UGT2B17: variants seen among roughly 807,000 people sequenced by gnomAD.
UGT2B17 encodes UDP glucuronosyltransferase family 2 member B17.
A neutral mutation model predicts 48.2 loss-of-function variants in UGT2B17; 21 were observed. That is an observed-to-expected ratio of 0.44 (90% confidence interval 0.31 to 0.63). The LOEUF is 0.63. Ranked by LOEUF, UGT2B17 falls within the 20% of genes least tolerant of loss-of-function variation. The pLI is 0.08. For missense variants in UGT2B17, 402 were observed against 696.1 expected (o/e 0.58, Z 4.75); for synonymous variants, 146 against 238.4 (o/e 0.61, Z 3.57).
rs1321442614 is a variant in UGT2B17 at position 68,573,802 on chromosome 4, A to C, written c.-65+2149T>G. Among the ~76,000 whole-genome samples the C allele has an allele frequency of 1.6e-5, 2 of 127,068 alleles. 1 individual carries two copies. Among genetic ancestry groups the C allele is most frequent in the African/African-American group, 5.4e-5 (2 of 37,070 alleles). 83.4% of individuals were successfully genotyped at this position (127,068 alleles called of 152,430 possible). A position where few individuals can be genotyped will look rare whatever the true frequency, so the allele number is the denominator to read the frequency against. On this transcript the variant is annotated intron_variant, in intron 1 of 6. Transcript: ENST00000317746. ...TCTTGAAAATTCTTAAGCTCACTGC[A>C]TCCTTTTAGGTCTCCAAGGAATGCT...
rs1326132465 is a variant in UGT2B17, at chr4:68,545,394, A to G, written c.1313+5283T>C. 4.0e-5 allele frequency among the ~76,000 whole-genome samples: 5 copies of G among 125,946 alleles called. 1 individual carries two copies. Among genetic ancestry groups the G allele is most frequent in the African/African-American group, 1.4e-4 (5 of 36,754 alleles). 82.6% of individuals were successfully genotyped at this position (125,946 alleles called of 152,430 possible). A position where few individuals can be genotyped will look rare whatever the true frequency, so the allele number is the denominator to read the frequency against. ...AAACCAACGAGAACAAAGACACAAC[A>G]TACCAGAATCTCTGGGACGCATTCA... On this transcript the variant is annotated intron_variant, in intron 6 of 6. Coordinates refer to ENST00000317746, the MANE Select transcript of UGT2B17 (RefSeq NM_001077.4).
chr4:68,557,071 A>G (rs774090261), intron 4 of UGT2B17, among the ~76,000 whole-genome samples: 1 of 125,508 alleles, frequency 8.0e-6, no homozygotes, highest in Non-Finnish European at 1.7e-5. Flanking sequence ...AGCTGTATTT[A>G]TATAAATATG....
chr4:68,543,659 G>A lies in UGT2B17; in HGVS notation c.1314-5755C>T, dbSNP rs1253557814. Reference sequence around the variant, plus strand: ...CGGACTAAAGGAGGAAGTTCGAACCGAAGGCAAAGAAGGTAAAAACCTTGA... The same window carrying A: ...CGGACTAAAGGAGGAAGTTCGAACCAAAGGCAAAGAAGGTAAAAACCTTGA... On this transcript the variant is annotated intron_variant, in intron 6 of 6. Transcript: ENST00000317746. 5.7e-5 allele frequency among the ~76,000 whole-genome samples: 7 copies of A among 123,642 alleles called. 1 individual carries two copies. Among genetic ancestry groups the A allele is most frequent in the African/African-American group, 8.3e-5 (3 of 36,192 alleles). 81.1% of individuals were successfully genotyped at this position (123,642 alleles called of 152,430 possible). A position where few individuals can be genotyped will look rare whatever the true frequency, so the allele number is the denominator to read the frequency against.
At position 68,556,069 on chromosome 4, in the gene UGT2B17, A is replaced by G. The variant is rs1469342265; in HGVS notation, c.1006-4158T>C. Among the ~76,000 whole-genome samples the G allele has an allele frequency of 2.4e-5, 3 of 122,842 alleles. No homozygotes were observed. The Admixed American group carries it at 2.5e-4, about 10-fold the overall frequency. 80.6% of individuals were successfully genotyped at this position (122,842 alleles called of 152,430 possible). ...AGGACAAACCAGAAAGTCCAAACAT[A>G]TCATGAATGATCTGTGTAAGTCACA... On this transcript the variant is annotated intron_variant, in intron 4 of 6. Transcript: ENST00000317746.
rs551839309 is a variant in UGT2B17 at position 68,551,960 on chromosome 4, T to C, written c.1006-49A>G. ...TGTTCAATGAATAGAACTCTAAAAA[T>C]ATAACTTGTTAGAATTCTGAAGAGA... On this transcript the variant is annotated intron_variant, in intron 4 of 6. Coordinates refer to ENST00000317746, the MANE Select transcript of UGT2B17 (RefSeq NM_001077.4). The C allele has an allele frequency of 1.8e-5, 21 of 1,163,250 alleles. 6 individuals are homozygous for C. Among genetic ancestry groups the C allele is most frequent in the South Asian group, 1.8e-4 (8 of 45,104 alleles). The allele number at this position is 1,163,250 out of a possible 1,614,324, so 72.1% of individuals were successfully genotyped here. A position where few individuals can be genotyped will look rare whatever the true frequency, so the allele number is the denominator to read the frequency against.
At position 68,571,810 on chromosome 4, in the gene UGT2B17, T is replaced by G. The variant is rs183808148; in HGVS notation, c.-64-3262A>C. On this transcript the variant is annotated intron_variant, in intron 1 of 6. Transcript: ENST00000317746. ...CTAATTGCAAAAAGAAATTTTTAGT[T>G]TTTCCTGGAATCTCAGGTACTGGCA... Among the ~76,000 whole-genome samples, 42 of 126,124 alleles carry G rather than the reference T, an allele frequency of 3.3e-4. 13 individuals carry two copies. The highest frequency in any genetic ancestry group is 9.0e-4 in the African/African-American group (33 of 36,828). 82.7% of individuals were successfully genotyped at this position (126,124 alleles called of 152,430 possible).
In UGT2B17 at chr4:68,571,680, C is replaced by T. The variant is rs1008814888; in HGVS notation, c.-64-3132G>A. 2.4e-5 allele frequency among the ~76,000 whole-genome samples: 3 copies of T among 126,242 alleles called. 1 individual carries two copies. The highest frequency in any genetic ancestry group is 8.2e-5 in the African/African-American group (3 of 36,748). 82.8% of individuals were successfully genotyped at this position (126,242 alleles called of 152,430 possible). On this transcript the variant is annotated intron_variant, in intron 1 of 6. Coordinates refer to ENST00000317746, the MANE Select transcript of UGT2B17 (RefSeq NM_001077.4). ...GCTGGGAATTCATCAGGAAATGGGTCTGTAGGAACTAATTCTTGGGCTTCC... is the reference window on the plus strand; with the variant it reads ...GCTGGGAATTCATCAGGAAATGGGTTTGTAGGAACTAATTCTTGGGCTTCC...
chr4:68,554,745 CTGAA>C (rs1730972648), intron 4 of UGT2B17, among the ~76,000 whole-genome samples: 1 of 125,342 alleles, frequency 8.0e-6, no homozygotes, highest in Non-Finnish European at 1.7e-5. Context: ...TGATTTTCAC[CTGAA>C]TGGTTTCTTT....
intron 6 of UGT2B17, among the ~76,000 whole-genome samples, chr4:68,549,356 A>C (rs1366902658): frequency 8.1e-6 from 1 of 123,960 alleles, no homozygotes; most frequent in Admixed American, 8.3e-5. Context: ...TAAAAAAAAA[A>C]AAAAATCTAT....
intron 4 of UGT2B17, among the ~76,000 whole-genome samples, chr4:68,557,036 C>T (rs1216001062): frequency 8.0e-6 from 1 of 125,190 alleles, no homozygotes; most frequent in African/African-American, 2.7e-5. Context: ...CATTGTCAAA[C>T]ATGAAATGGT....
At position 68,551,291 on chromosome 4, in the gene UGT2B17, A is replaced by G. The variant is rs1442735754; in HGVS notation, c.1094-395T>C. The stretch of plus-strand genomic sequence containing the variant: ...ATTTATATATTTAAAAAATATTTAA[A>G]TAGTTAAAATATTTAAAATACTTAA... On this transcript the variant is annotated intron_variant, in intron 5 of 6. Transcript: ENST00000317746. 3.2e-5 allele frequency among the ~76,000 whole-genome samples: 4 copies of G among 126,380 alleles called. 2 individuals are homozygous for G. The highest frequency in any genetic ancestry group is 5.4e-5 in the African/African-American group (2 of 37,226). 82.9% of individuals were successfully genotyped at this position (126,380 alleles called of 152,430 possible).
intron 1 of UGT2B17, among the ~76,000 whole-genome samples, chr4:68,570,376 G>T (rs1440630866): frequency 1.6e-5 from 2 of 126,884 alleles, no homozygotes; most frequent in Admixed American, 1.6e-4. Flanking sequence ...AATAACATCG[G>T]TTTCTAAGTT....
intron 4 of UGT2B17, among the ~76,000 whole-genome samples, chr4:68,552,904 A>C (rs1182909395): frequency 1.6e-5 from 2 of 123,540 alleles, no homozygotes; most frequent in Non-Finnish European, 3.4e-5. Flanking sequence ...TGTTTCCATG[A>C]CAATGGAAGG....
rs1731334196 is a variant in UGT2B17 at position 68,574,159 on chromosome 4, A to G, written c.-65+1792T>C. On this transcript the variant is annotated intron_variant, in intron 1 of 6. Transcript: ENST00000317746. The stretch of plus-strand genomic sequence containing the variant: ...AGCTTGATATACTGTCTTAATTGCT[A>G]AAGTTTGTTTTAAGTCTTTAACTTT... Among the ~76,000 whole-genome samples, 3 of 127,318 alleles carry G rather than the reference A, an allele frequency of 2.4e-5. 1 individual carries two copies. Among genetic ancestry groups the G allele is most frequent in the Non-Finnish European group, 5.0e-5 (3 of 59,876 alleles). The allele number at this position is 127,318 out of a possible 152,430, so 83.5% of individuals were successfully genotyped here.
intron 4 of UGT2B17, among the ~76,000 whole-genome samples, chr4:68,560,130 A>T (rs1731076682): frequency 8.9e-6 from 1 of 112,030 alleles, no homozygotes; most frequent in Admixed American, 9.3e-5. Flanking sequence ...GCTTATTGTT[A>T]TTGTGATAGT....
intron 6 of UGT2B17, among the ~76,000 whole-genome samples, chr4:68,545,052 C>A (rs1374032056): frequency 1.6e-5 from 2 of 125,638 alleles, no homozygotes; most frequent in Non-Finnish European, 3.4e-5. Flanking sequence ...AAGAATTGAA[C>A]TCAGCTCTGC....
In UGT2B17 at chr4:68,560,972, C is replaced by T. The variant is rs1172498989; in HGVS notation, c.874-304G>A. 1.6e-5 allele frequency among the ~76,000 whole-genome samples: 2 copies of T among 124,990 alleles called. 1 individual carries two copies. The highest frequency in any genetic ancestry group is 3.4e-5 in the Non-Finnish European group (2 of 59,322). 82.0% of individuals were successfully genotyped at this position (124,990 alleles called of 152,430 possible). A position where few individuals can be genotyped will look rare whatever the true frequency, so the allele number is the denominator to read the frequency against. ...TGCTAGAAAATATTACACCCAGACACTTTATTTATAATATTATAATTACTA... is the reference window on the plus strand; with the variant it reads ...TGCTAGAAAATATTACACCCAGACATTTTATTTATAATATTATAATTACTA... On this transcript the variant is annotated intron_variant, in intron 3 of 6. Transcript: ENST00000317746.
Position 68,572,488 on chromosome 4 carries a change from C to T in UGT2B17, c.-65+3463G>A, listed in dbSNP as rs548234223. 7.2e-5 allele frequency among the ~76,000 whole-genome samples: 9 copies of T among 125,748 alleles called. 3 individuals are homozygous for T. In the South Asian group the frequency reaches 1.8e-3, roughly 25 times the overall value. The allele number at this position is 125,748 out of a possible 152,430, so 82.5% of individuals were successfully genotyped here. A position where few individuals can be genotyped will look rare whatever the true frequency, so the allele number is the denominator to read the frequency against. On this transcript the variant is annotated intron_variant, in intron 1 of 6. Coordinates refer to ENST00000317746, the MANE Select transcript of UGT2B17 (RefSeq NM_001077.4). ...TGCTATTTAATTTTTTTAGAGTCCT[C>T]GGGCGTCCGTGATATTAGTGTTAGT...
At position 68,563,110 on chromosome 4, in the gene UGT2B17, G is replaced by A. The variant is rs1487996820; in HGVS notation, c.874-2442C>T. Among the ~76,000 whole-genome samples, 5 of 126,480 alleles carry A rather than the reference G, an allele frequency of 4.0e-5. 2 individuals are homozygous for A. Among genetic ancestry groups the A allele is most frequent in the African/African-American group, 1.4e-4 (5 of 37,020 alleles). The allele number at this position is 126,480 out of a possible 152,430, so 83.0% of individuals were successfully genotyped here. ...CAGTTTCATGTGAATATATTACAAA[G>A]GCAATAACTATATGCAGTTTTCAAA... On this transcript the variant is annotated intron_variant, in intron 3 of 6. Transcript: ENST00000317746.
Sources: allele counts gnomAD v4.1 joint callset (sites outside exome capture counted in the v4.1 genomes callset), GRCh38; gene constraint gnomAD v4.1.1; transcripts MANE v1.5; gene names NCBI Gene and HGNC (gene_info 2026-07-23, HGNC 2026-07-21).